The following TMEM184A variants were observed in gnomAD, a reference collection of about 807,000 sequenced individuals.
TMEM184A encodes sexually dimorphic, expressed in male gonads 1.
A neutral mutation model predicts 39.5 loss-of-function variants in TMEM184A; 40 were observed. The observed-to-expected ratio is 1.01, with a 90% confidence interval of 0.79 to 1.32. The LOEUF is 1.32. TMEM184A is among the 40% of genes most tolerant of loss of function. TMEM184A has a pLI of 0.00. For synonymous variants in TMEM184A, 280 were observed against 252.3 expected (o/e 1.11, Z -1.04); for missense variants, 603 against 568.8 (o/e 1.06, Z -0.61).
At chr7:1,552,430 A>G (rs1784640224) in intron 2 of TMEM184A, among the ~76,000 whole-genome samples, 1 of 151,958 alleles carries the variant, frequency 6.6e-6, no homozygotes, top group Non-Finnish European at 1.5e-5. Flanking sequence ...CGGGGAGGAC[A>G]TGTAAAATGT....
rs561664865 is a variant in TMEM184A, at chr7:1,547,711, C to G, written c.1012+31G>C. On this transcript the variant is annotated intron_variant, in intron 8 of 8. Coordinates refer to ENST00000297477, the MANE Select transcript of TMEM184A (RefSeq NM_001097620.2). Reference sequence around the variant, plus strand: ...GGTGCCCGGGGCAGGGCTGTGCGCTCCGGGTGCCCCAGCTGGAAGGCAGGG... The same window carrying G: ...GGTGCCCGGGGCAGGGCTGTGCGCTGCGGGTGCCCCAGCTGGAAGGCAGGG... 76 of 1,594,052 alleles carry G rather than the reference C, an allele frequency of 4.8e-5. No individual in the cohort carries two copies. In the Middle Eastern group the frequency reaches 8.6e-4, roughly 18 times the overall value.
intron 2 of TMEM184A, among the ~76,000 whole-genome samples, chr7:1,551,573 A>G (rs1481594000): frequency 6.6e-6 from 1 of 152,260 alleles, no homozygotes; most frequent in African/African-American, 2.4e-5. Flanking sequence ...ATAGAAGTAC[A>G]TATAAGTATG....
chr7:1,550,727 T>G (rs1784555776), intron 3 of TMEM184A, 90 bp downstream of exon 3: 1 of 1,509,828 alleles, frequency 6.6e-7, no homozygotes, highest in Admixed American at 1.7e-5. Context: ...TGGGGTGCCC[T>G]GGGGACTGGC....
intron 2 of TMEM184A, among the ~76,000 whole-genome samples, chr7:1,554,528 C>A (rs1043475088): frequency 6.6e-6 from 1 of 152,224 alleles, no homozygotes; most frequent in Non-Finnish European, 1.5e-5. Flanking sequence ...CACCCCACCC[C>A]TGCGCACACC....
intron 5 of TMEM184A, 34 bp downstream of exon 5, chr7:1,550,089 G>T (rs571650410): frequency 1.1e-5 from 18 of 1,586,656 alleles, no homozygotes; most frequent in African/African-American, 4.0e-5. Flanking sequence ...GGCTTGGGTG[G>T]GAGGAGGGCG....
chr7:1,547,202 AG>A, intron 8 of TMEM184A, 21 bp from the exon 9 acceptor site: 2 of 1,408,764 alleles, frequency 1.4e-6, no homozygotes, highest in Non-Finnish European at 2.0e-6. Context: ...GCAGTGTATG[AG>A]CCCCACCATC....
rs745353029 is a variant in TMEM184A at position 1,543,105 on chromosome 7, C to G, written c.*3847G>C. The G allele has an allele frequency of 6.6e-6, 1 of 152,196 alleles. No individual in the cohort carries two copies. The highest frequency in any genetic ancestry group is 1.5e-5 in the Non-Finnish European group (1 of 67,990). 9.4% of individuals were successfully genotyped at this position (152,196 alleles called of 1,614,324 possible). A position where few individuals can be genotyped will look rare whatever the true frequency, so the allele number is the denominator to read the frequency against. On this transcript the variant is annotated 3_prime_UTR_variant, in exon 9 of 9. Coordinates refer to ENST00000297477, the MANE Select transcript of TMEM184A (RefSeq NM_001097620.2). ...TTTCTTGGGCCAAGAACCACACCCC[C>G]CCCCCAATCCCAGGGGACCCTGCCT...
intron 7 of TMEM184A, 92 bp downstream of exon 7, chr7:1,548,427 G>C: frequency 1.4e-6 from 2 of 1,416,346 alleles, no homozygotes; most frequent in East Asian, 2.3e-5. Context: ...TGAAGCACGT[G>C]GGGGCTGGGG....
In TMEM184A at chr7:1,543,154, G is replaced by A. The variant is rs10268840; in HGVS notation, c.*3798C>T. 0.018 allele frequency: 2,690 copies of A among 151,704 alleles called. 77 individuals are homozygous for A. Among genetic ancestry groups the A allele is most frequent in the African/African-American group, 0.059 (2,436 of 41,256 alleles). The allele number at this position is 151,704 out of a possible 1,614,324, so 9.4% of individuals were successfully genotyped here. ...CTGTCCCTCACCGGGGTCAGGATCC[G>A]GGCACTACGTGTAAGTGGCTTTCCC... On this transcript the variant is annotated 3_prime_UTR_variant, in exon 9 of 9. Transcript: ENST00000297477.
At chr7:1,548,015 C>T (rs1407469624) in intron 7 of TMEM184A, 76 bp from the exon 8 acceptor site, 16 of 1,467,762 alleles carry the variant, frequency 1.1e-5, no homozygotes, top group South Asian at 2.5e-5. Context: ...GACCCCGCAG[C>T]GGCTCCTCTG....
chr7:1,555,307 C>T lies in TMEM184A; in HGVS notation c.178G>A (p.Gly60Arg), dbSNP rs1562563724. Residue 60 changes from glycine to arginine, a missense_variant, in exon 2 of 9, where the codon GGG becomes AGG. By Grantham distance (125) the Gly-to-Arg change is moderately radical. Transcript: ENST00000297477. The surrounding 1 kb of genome is among the most constrained non-coding windows in gnomAD (Gnocchi z 5.2). The part of the protein sequence containing the change: ...LTSALARGVS[G>R]IFVWTALVLT... ...ACCAGGGCAGTCCACACGAAGATCC[C>T]CGAGACGCCTCGGGCCAGTGCGGAG... 1.2e-6 allele frequency: 2 copies of T among 1,607,644 alleles called. No individual in the cohort carries two copies. Among genetic ancestry groups the T allele is most frequent in the Admixed American group, 1.7e-5 (1 of 59,122 alleles).
Position 1,547,792 on chromosome 7 carries a change from C to T in TMEM184A, c.962G>A (p.Arg321His), listed in dbSNP as rs759631827. 9.3e-6 allele frequency: 15 copies of T among 1,612,868 alleles called. No individual in the cohort carries two copies. Among genetic ancestry groups the T allele is most frequent in the Admixed American group, 5.0e-5 (3 of 59,998 alleles). The change falls in exon 8 of 9, where the codon CGT becomes CAT. Residue 321 changes from arginine to histidine, a missense_variant. Transcript: ENST00000297477. ...VEMLFASVAL[R>H]YAFPCQVYAE... ...GTACACCTGGCAGGGGAAGGCATAA[C>T]GCAGGGCCACGGAGGCGAACAGCAT...
chr7:1,547,026 T>TGCC lies in TMEM184A; in HGVS notation c.1167_1168insGGC (p.Pro389_Ser390insGly), dbSNP rs986119110. 6 of 1,603,200 alleles carry TGCC rather than the reference T, an allele frequency of 3.7e-6. No homozygotes were observed. The African/African-American group carries it at 4.0e-5, about 11-fold the overall frequency. On this transcript the variant is annotated inframe_insertion, in exon 9 of 9. Transcript: ENST00000297477. Reference sequence around the variant, plus strand: ...TTCCTGCTCCCGCCGGAGCCGCCGCTGGGGTGGGTGCCGGGCCTGGGCGCC... The same window carrying TGCC: ...TTCCTGCTCCCGCCGGAGCCGCCGCTGCCGGGGTGGGTGCCGGGCCTGGGCGCC...
intron 7 of TMEM184A, 62 bp from the exon 8 acceptor site, chr7:1,548,001 C>T: frequency 6.6e-7 from 1 of 1,511,520 alleles, no homozygotes; most frequent in East Asian, 2.5e-5. Context: ...AGGAAGAGGC[C>T]CCAGACCCCG....
At chr7:1,553,308 A>G (rs1308905248) in intron 2 of TMEM184A, among the ~76,000 whole-genome samples, 1 of 151,900 alleles carries the variant, frequency 6.6e-6, no homozygotes, top group African/African-American at 2.4e-5. Context: ...GCGCACCACC[A>G]TGCCCGGCTA....
chr7:1,543,828 T>C lies in TMEM184A; in HGVS notation c.*3124A>G. On this transcript the variant is annotated 3_prime_UTR_variant, in exon 9 of 9. Transcript: ENST00000297477. ...ATTTTTTTTTTGTAGAGATGGGGTTTCACCATGTTGCCCAGGCTGGTCTCA... is the reference window on the plus strand; with the variant it reads ...ATTTTTTTTTTGTAGAGATGGGGTTCCACCATGTTGCCCAGGCTGGTCTCA... The C allele has an allele frequency of 6.6e-6, 1 of 152,074 alleles. No individual in the cohort carries two copies. Among genetic ancestry groups the C allele is most frequent in the Admixed American group, 6.6e-5 (1 of 15,266 alleles). 9.4% of individuals were successfully genotyped at this position (152,074 alleles called of 1,614,324 possible).
At position 1,543,714 on chromosome 7, in the gene TMEM184A, G is replaced by T; in HGVS notation, c.*3238C>A. 6.6e-6 allele frequency: 1 copy of T among 152,386 alleles called. No homozygotes were observed. The highest frequency in any genetic ancestry group is 2.0e-4 in the South Asian group (1 of 4,950). The allele number at this position is 152,386 out of a possible 1,614,324, so 9.4% of individuals were successfully genotyped here. A position where few individuals can be genotyped will look rare whatever the true frequency, so the allele number is the denominator to read the frequency against. ...CGTGATCACAGTTCACTGCAGCCTC[G>T]ACCTCCCAGGCTCAAGCAATCCTCC... is the stretch of plus-strand genomic sequence containing the variant. On this transcript the variant is annotated 3_prime_UTR_variant, in exon 9 of 9. Transcript: ENST00000297477.
intron 2 of TMEM184A, among the ~76,000 whole-genome samples, chr7:1,553,453 G>A (rs929589732): frequency 6.6e-6 from 1 of 152,082 alleles, no homozygotes; most frequent in African/African-American, 2.4e-5. Context: ...ACGCCTGACC[G>A]ATTTTCCATG....
chr7:1,549,706 A>G (rs1784508183), intron 6 of TMEM184A, 148 bp downstream of exon 6: 2 of 761,710 alleles, frequency 2.6e-6, no homozygotes, highest in Non-Finnish European at 4.5e-6. Context: ...CAGGGGACCC[A>G]GTGCCCACCT....
Sources: gnomAD v4.1 joint callset for allele counts (sites outside exome capture counted in the v4.1 genomes callset) on GRCh38, gnomAD v4.1.1 for gene constraint, Gnocchi (gnomAD v3.1) non-coding constraint, MANE v1.5 for transcripts, NCBI Gene and HGNC (gene_info 2026-07-23, HGNC 2026-07-21) for gene names.